The following FRMD4A variants were observed in gnomAD, a reference collection of about 807,000 sequenced individuals.
The protein encoded by FRMD4A is FERM domain containing 4A.
A neutral mutation model predicts 129.1 loss-of-function variants in FRMD4A; 29 were observed. The observed-to-expected ratio is 0.22, with a 90% confidence interval of 0.17 to 0.31. The LOEUF is 0.31. Ranked by LOEUF, FRMD4A falls within the 10% of genes least tolerant of loss-of-function variation. The probability of loss-of-function intolerance (pLI) is 1.00; values close to 1 mark genes in which losing one functional copy is unlikely to be tolerated. For synonymous variants in FRMD4A, 634 were observed against 571.6 expected, an observed-to-expected ratio of 1.11 and a Z score of -1.56; for missense variants, 1,272 against 1,375.8, an observed-to-expected ratio of 0.92 and a Z score of 1.19.
chr10:13,827,687 G>A (rs2093723439), intron 3 of FRMD4A, among the ~76,000 whole-genome samples: 1 of 152,164 alleles, frequency 6.6e-6, no homozygotes, highest in African/African-American at 2.4e-5. Context: ...CTGAGCCAAG[G>A]GCCCTGGGAT....
At chr10:13,960,528 T>C (rs149216262) in intron 2 of FRMD4A, among the ~76,000 whole-genome samples, 11 of 152,356 alleles carry the variant, frequency 7.2e-5, no homozygotes, top group Admixed American at 2.0e-4. Flanking sequence ...AGGATAACAC[T>C]ATGTGGCAAA....
At chr10:13,921,395 G>T (rs1374376604) in intron 2 of FRMD4A, among the ~76,000 whole-genome samples, 4 of 151,960 alleles carry the variant, frequency 2.6e-5, no homozygotes, top group Admixed American at 2.6e-4. Context: ...CTAAGTAGCT[G>T]GGACCACAGG....
intron 16 of FRMD4A, among the ~76,000 whole-genome samples, chr10:13,674,316 G>A (rs7086327): frequency 0.11 from 16,347 of 152,150 alleles, 1,879 homozygotes; most frequent in African/African-American, 0.29. Flanking sequence ...CATTATGATC[G>A]ATGAGGCACT....
intron 2 of FRMD4A, among the ~76,000 whole-genome samples, chr10:13,985,699 C>T (rs1300030484): frequency 1.3e-5 from 2 of 152,228 alleles, no homozygotes; most frequent in South Asian, 2.1e-4. Context: ...GGGCATAAGC[C>T]CACTGGGTTG....
chr10:13,801,356 A>G (rs1024311689), intron 4 of FRMD4A, among the ~76,000 whole-genome samples: 2 of 152,218 alleles, frequency 1.3e-5, no homozygotes, highest in Non-Finnish European at 2.9e-5. Flanking sequence ...TTGGCCTCTG[A>G]GGACAAATGA....
At chr10:14,185,997 G>A (rs1308076614) in intron 2 of FRMD4A, among the ~76,000 whole-genome samples, 1 of 152,144 alleles carries the variant, frequency 6.6e-6, no homozygotes, top group Non-Finnish European at 1.5e-5. Flanking sequence ...AACTGTGCAG[G>A]GTCCATGGTG....
At chr10:14,008,109 AG>A in intron 2 of FRMD4A, 1 of 1,301,796 alleles carries the variant, frequency 7.7e-7, no homozygotes, top group Non-Finnish European at 1.0e-6. Flanking sequence ...TTTCAGTAAA[AG>A]TCTTTGGGAT....
At chr10:13,859,001 ATTCCTCTGGGCAAAAC>A in intron 2 of FRMD4A, 89 bp from the exon 3 acceptor site, 1 of 814,030 alleles carries the variant, frequency 1.2e-6, no homozygotes, top group East Asian at 2.4e-5. Context: ...TGCCAGGCAT[ATTCCTCTGGGCAAAAC>A]TTCCTCTGGG....
At chr10:13,976,864 G>T (rs550483556) in intron 2 of FRMD4A, among the ~76,000 whole-genome samples, 2 of 152,310 alleles carry the variant, frequency 1.3e-5, no homozygotes, top group African/African-American at 4.8e-5. Context: ...TCAGGTCAAA[G>T]TCAGCTACTA....
intron 2 of FRMD4A, among the ~76,000 whole-genome samples, chr10:14,002,409 C>A (rs950135148): frequency 6.6e-6 from 1 of 152,168 alleles, no homozygotes; most frequent in Non-Finnish European, 1.5e-5. Context: ...TGTACTGACA[C>A]GTAAGAGTGA....
At chr10:13,840,227 C>T (rs987233360) in intron 3 of FRMD4A, among the ~76,000 whole-genome samples, 2 of 152,018 alleles carry the variant, frequency 1.3e-5, no homozygotes, top group Non-Finnish European at 2.9e-5. Context: ...ATGGGTGGGA[C>T]TGAGTCCTTA....
intron 2 of FRMD4A, among the ~76,000 whole-genome samples, chr10:13,874,075 G>A (rs1273852052): frequency 2.0e-5 from 3 of 150,400 alleles, no homozygotes; most frequent in East Asian, 2.0e-4. Flanking sequence ...GTGAAACCTC[G>A]TCTCTACTAA....
chr10:14,251,887 GCACA>G (rs71388171), intron 2 of FRMD4A, among the ~76,000 whole-genome samples: 1 of 150,802 alleles, frequency 6.6e-6, no homozygotes, highest in Admixed American at 6.6e-5. Flanking sequence ...GCACACATGT[GCACA>G]CACACACACA....
At chr10:13,778,598 CGTGTGT>C (rs150073571) in intron 6 of FRMD4A, among the ~76,000 whole-genome samples, 1 of 147,872 alleles carries the variant, frequency 6.8e-6, no homozygotes, top group Non-Finnish European at 1.5e-5. Context: ...ACCATTCCAA[CGTGTGT>C]GTGTGTGTGT....
Position 13,834,408 on chromosome 10 carries a change from C to T in FRMD4A, c.112-23500G>A, listed in dbSNP as rs115560398. Among the ~76,000 whole-genome samples the T allele has an allele frequency of 5.5e-3, 844 of 152,278 alleles. 9 individuals carry two copies. Among genetic ancestry groups the T allele is most frequent in the African/African-American group, 0.019 (808 of 41,558 alleles). On this transcript the variant is annotated intron_variant, in intron 3 of 24. Coordinates refer to ENST00000357447, the MANE Select transcript of FRMD4A (RefSeq NM_018027.5). ...TCTGGACACAAATTAGTCCCGTCTT[C>T]CCTAAAATAAAACCCGGCCTGCAGA...
intron 2 of FRMD4A, among the ~76,000 whole-genome samples, chr10:14,265,188 G>A (rs184674625): frequency 1.8e-4 from 27 of 152,302 alleles, no homozygotes; most frequent in Admixed American, 6.5e-5. Flanking sequence ...CCAACGTAGA[G>A]CAGGCAGCCT....
intron 2 of FRMD4A, among the ~76,000 whole-genome samples, chr10:13,997,765 T>A (rs1296153246): frequency 6.6e-6 from 1 of 151,788 alleles, no homozygotes; most frequent in Non-Finnish European, 1.5e-5. Flanking sequence ...TGGGACTACA[T>A]GTGAGTGCCA....
intron 2 of FRMD4A, among the ~76,000 whole-genome samples, chr10:13,951,963 G>T (rs1407095241): frequency 1.4e-5 from 2 of 148,078 alleles, no homozygotes; most frequent in Non-Finnish European, 3.0e-5. Context: ...AAGTGGTTGG[G>T]GCAAATATCT....
At chr10:14,044,272 C>T (rs1020074630) in intron 2 of FRMD4A, among the ~76,000 whole-genome samples, 4 of 152,192 alleles carry the variant, frequency 2.6e-5, no homozygotes, top group East Asian at 1.9e-4. Flanking sequence ...TTGTTTTAGC[C>T]GTGTGGCTCT....
Sources: gnomAD v4.1 joint callset for allele counts (sites outside exome capture counted in the v4.1 genomes callset) on GRCh38, gnomAD v4.1.1 for gene constraint, MANE v1.5 for transcripts, NCBI Gene and HGNC (gene_info 2026-07-23, HGNC 2026-07-21) for gene names.